EZR: variants seen among roughly 807,000 people sequenced by gnomAD.
EZR encodes the protein ezrin.
A neutral mutation model predicts 74.8 loss-of-function variants in EZR; 40 were observed. The observed-to-expected ratio is 0.53, with a 90% confidence interval of 0.42 to 0.70. The LOEUF is 0.70. EZR is among the 30% of genes least tolerant of loss of function. The probability of loss-of-function intolerance (pLI) is 0.00; values close to 1 mark genes in which losing one functional copy is unlikely to be tolerated. For missense variants in EZR, 678 were observed against 755.8 expected (o/e 0.90, Z 1.21); for synonymous variants, 341 against 283.3 (o/e 1.20, Z -2.05).
intron 2 of EZR, among the ~76,000 whole-genome samples, chr6:158,815,706 C>G (rs967097877): frequency 1.3e-5 from 2 of 151,972 alleles, no homozygotes; most frequent in Admixed American, 1.3e-4. Flanking sequence ...ATGTGATCTG[C>G]CTGCCTCAGC....
chr6:158,816,039 G>A (rs1777546434), intron 2 of EZR, among the ~76,000 whole-genome samples: 2 of 152,214 alleles, frequency 1.3e-5, no homozygotes, highest in South Asian at 4.1e-4. Context: ...GATGAACCTT[G>A]AAGACATTAT....
intron 3 of EZR, 86 bp downstream of exon 3, chr6:158,789,202 A>T: frequency 1.1e-6 from 1 of 951,654 alleles, no homozygotes. Context: ...AAAACAAGGT[A>T]ATATGCTTCG....
chr6:158,789,885 G>C (rs1202794141), intron 2 of EZR, among the ~76,000 whole-genome samples: 1 of 152,220 alleles, frequency 6.6e-6, no homozygotes, highest in Admixed American at 6.5e-5. Context: ...CTCCCATAGT[G>C]CTGAGATTAT....
intron 2 of EZR, among the ~76,000 whole-genome samples, chr6:158,790,938 T>C (rs1722338005): frequency 6.6e-6 from 1 of 152,220 alleles, no homozygotes; most frequent in African/African-American, 2.4e-5. Flanking sequence ...TCCCGGATTC[T>C]TCCTAACACA....
chr6:158,784,222 C>CTCTGACATCAG (rs1791506763), intron 6 of EZR, among the ~76,000 whole-genome samples: 1 of 152,208 alleles, frequency 6.6e-6, no homozygotes, highest in Non-Finnish European at 1.5e-5. Flanking sequence ...AGCCCCACGT[C>CTCTGACATCAG]CAGGTTCTCT....
At chr6:158,810,554 C>T (rs1429285566) in intron 2 of EZR, among the ~76,000 whole-genome samples, 1 of 152,194 alleles carries the variant, frequency 6.6e-6, no homozygotes, top group Non-Finnish European at 1.5e-5. Flanking sequence ...AATAGCGCTT[C>T]AAAACATGAA....
chr6:158,771,205 A>G (rs759627365), intron 9 of EZR, 39 bp downstream of exon 9: 9 of 1,569,520 alleles, frequency 5.7e-6, no homozygotes, highest in East Asian at 4.5e-5. Flanking sequence ...CTGAGTTGGG[A>G]GAACACAGGC....
At chr6:158,779,432 C>T (rs938539869) in intron 7 of EZR, among the ~76,000 whole-genome samples, 1 of 152,130 alleles carries the variant, frequency 6.6e-6, no homozygotes, top group Non-Finnish European at 1.5e-5. Context: ...GGTCTAGAGA[C>T]TGCTAATGTT....
At chr6:158,802,776 C>T (rs1004979915) in intron 2 of EZR, among the ~76,000 whole-genome samples, 6 of 152,160 alleles carry the variant, frequency 3.9e-5, no homozygotes, top group African/African-American at 4.8e-5. Context: ...GTAATCCACC[C>T]GCCTTGGCCT....
intron 2 of EZR, among the ~76,000 whole-genome samples, chr6:158,812,324 A>G (rs564687687): frequency 1.3e-5 from 2 of 152,280 alleles, no homozygotes; most frequent in East Asian, 3.9e-4. Flanking sequence ...ATTGGGGTGC[A>G]GGAGAAAGGA....
At chr6:158,782,508 T>TAC (rs1351185920) in intron 7 of EZR, among the ~76,000 whole-genome samples, 2 of 152,196 alleles carry the variant, frequency 1.3e-5, no homozygotes, top group Non-Finnish European at 2.9e-5. Flanking sequence ...AGGAAACCGG[T>TAC]ACATCCAGGA....
chr6:158,785,260 C>T lies in EZR; in HGVS notation c.467+49G>A, dbSNP rs200951941. 3.8e-5 allele frequency: 61 copies of T among 1,599,646 alleles called. No individual in the cohort carries two copies. The Middle Eastern group carries it at 1.5e-3, about 39-fold the overall frequency. On this transcript the variant is annotated intron_variant, in intron 5 of 13. Coordinates refer to ENST00000367075, the MANE Select transcript of EZR (RefSeq NM_001111077.2). ...TTCTAAGGCAATCACTTCTCCCTGC[C>T]GAGGACGGCATGACTGCTCCTGCCC... is the stretch of plus-strand genomic sequence containing the variant.
chr6:158,811,799 C>T (rs528052443), intron 2 of EZR, among the ~76,000 whole-genome samples: 1 of 151,146 alleles, frequency 6.6e-6, no homozygotes, highest in Non-Finnish European at 1.5e-5. Context: ...GGGTGGGGGC[C>T]GGGGCACTGA....
At chr6:158,771,026 C>A in intron 9 of EZR, 132 bp from the exon 10 acceptor site, 1 of 1,417,272 alleles carries the variant, frequency 7.1e-7, no homozygotes, top group Non-Finnish European at 9.6e-7. Context: ...CTGCTGCCAG[C>A]CTGAGCTGCC....
intron 2 of EZR, among the ~76,000 whole-genome samples, chr6:158,799,608 A>T (rs1340110659): frequency 6.6e-6 from 1 of 152,252 alleles, no homozygotes; most frequent in Non-Finnish European, 1.5e-5. Context: ...ACAATATGCC[A>T]ACTGAATAAA....
intron 10 of EZR, among the ~76,000 whole-genome samples, 199 bp downstream of exon 10, chr6:158,770,565 T>C (rs1224853829): frequency 6.6e-6 from 1 of 152,212 alleles, no homozygotes; most frequent in Non-Finnish European, 1.5e-5. Flanking sequence ...TACAAAGTCT[T>C]AGAACAACTA....
intron 2 of EZR, among the ~76,000 whole-genome samples, chr6:158,799,968 A>T (rs924034533): frequency 6.6e-6 from 1 of 152,226 alleles, no homozygotes; most frequent in Admixed American, 6.5e-5. Flanking sequence ...ATACAAAATT[A>T]TATCAATGTA....
chr6:158,791,706 A>ATTTTCTTTT (rs1791751720), intron 2 of EZR, among the ~76,000 whole-genome samples: 1 of 96,262 alleles, frequency 1.0e-5, no homozygotes, highest in African/African-American at 4.1e-5. Flanking sequence ...TTCAGACTCC[A>ATTTTCTTTT]TTTTTTTTTT....
In EZR at chr6:158,766,889, T is replaced by C. The variant is rs1790890577; in HGVS notation, c.*25A>G. 1 of 1,610,204 alleles carries C rather than the reference T, an allele frequency of 6.2e-7. No homozygotes were observed. The highest frequency in any genetic ancestry group is 1.1e-5 in the South Asian group (1 of 90,818). On this transcript the variant is annotated 3_prime_UTR_variant, in exon 14 of 14. Coordinates refer to ENST00000367075, the MANE Select transcript of EZR (RefSeq NM_001111077.2). ...TGGCAGCGCCCGCTATGAGCACCCC[T>C]CTGCCCTTGGTCCTGGCCTGGCTGT...
Sources: gnomAD v4.1 joint callset for allele counts (sites outside exome capture counted in the v4.1 genomes callset) on GRCh38, gnomAD v4.1.1 for gene constraint, MANE v1.5 for transcripts, NCBI Gene and HGNC (gene_info 2026-07-23, HGNC 2026-07-21) for gene names.